SAMD12: variants seen among roughly 807,000 people sequenced by gnomAD.
SAMD12 encodes sterile alpha motif domain containing 12.
In SAMD12, 9 loss-of-function variants were observed where a neutral mutation model predicts 15.0. The observed-to-expected ratio is 0.60, with a 90% CI of 0.36 to 1.05. SAMD12 has a LOEUF of 1.05. Ranked by LOEUF, SAMD12 falls within the 50% of genes least tolerant of loss-of-function variation. The pLI, the probability that SAMD12 is intolerant of heterozygous loss-of-function variation, is 0.01. For synonymous variants in SAMD12, 86 were observed against 90.1 expected (o/e 0.96, Z 0.25); for missense variants, 230 against 234.2 (o/e 0.98, Z 0.12).
At chr8:118,315,090 T>G (rs1815825501) in intron 4 of SAMD12, among the ~76,000 whole-genome samples, 1 of 152,240 alleles carries the variant, frequency 6.6e-6, no homozygotes, top group Non-Finnish European at 1.5e-5. Context: ...TTGGAAAGAT[T>G]CTTTTCCTCT....
intron 4 of SAMD12, among the ~76,000 whole-genome samples, chr8:118,308,714 CTTTT>C (rs33966721): frequency 1.3e-5 from 2 of 149,608 alleles, no homozygotes; most frequent in East Asian, 3.9e-4. Flanking sequence ...GTACACATGA[CTTTT>C]TTTTTTTACT....
At chr8:118,417,600 A>G (rs1297147727) in intron 3 of SAMD12, among the ~76,000 whole-genome samples, 1 of 152,254 alleles carries the variant, frequency 6.6e-6, no homozygotes, top group African/African-American at 2.4e-5. Context: ...GCTAATCAGT[A>G]AATAATTAAA....
At chr8:118,387,017 G>T (rs1234064273) in intron 3 of SAMD12, among the ~76,000 whole-genome samples, 1 of 152,156 alleles carries the variant, frequency 6.6e-6, no homozygotes, top group East Asian at 1.9e-4. Flanking sequence ...TTGTGCACTG[G>T]GTTAGCTCCA....
intron 1 of SAMD12, among the ~76,000 whole-genome samples, chr8:118,603,614 G>A (rs1338594647): frequency 1.3e-5 from 2 of 152,126 alleles, no homozygotes; most frequent in Non-Finnish European, 2.9e-5. Context: ...CTTTTCTCAG[G>A]AGGATGTACT....
At chr8:118,142,072 C>T in the SAMD12 span, among the ~76,000 whole-genome samples, 1 of 152,174 alleles carries the variant, frequency 6.6e-6, no homozygotes, top group African/African-American at 2.4e-5. Flanking sequence ...ATTCTCACTA[C>T]ATAGCTGGAG....
At chr8:118,240,842 T>G (rs1279844434) in intron 4 of SAMD12, among the ~76,000 whole-genome samples, 1 of 152,156 alleles carries the variant, frequency 6.6e-6, no homozygotes, top group Non-Finnish European at 1.5e-5. Flanking sequence ...CAAGCCAAGA[T>G]TAAAGAGTCA....
intron 3 of SAMD12, among the ~76,000 whole-genome samples, chr8:118,387,585 T>C (rs765638723): frequency 2.0e-5 from 3 of 152,188 alleles, no homozygotes; most frequent in Non-Finnish European, 4.4e-5. Flanking sequence ...AAGGTACTAT[T>C]ATTATCTATT....
chr8:118,326,783 G>A (rs1816585617), intron 4 of SAMD12, among the ~76,000 whole-genome samples: 1 of 152,132 alleles, frequency 6.6e-6, no homozygotes, highest in Non-Finnish European at 1.5e-5. Flanking sequence ...AAGGCAGCAA[G>A]GTGCTTCATC....
chr8:118,319,994 T>C (rs4496996), intron 4 of SAMD12, among the ~76,000 whole-genome samples: 74,314 of 151,908 alleles, frequency 0.49, 20,629 homozygotes, highest in African/African-American at 0.77. Context: ...CCAAGGAGAA[T>C]ACTGGATCAT....
the SAMD12 span, among the ~76,000 whole-genome samples, chr8:118,155,801 A>G: frequency 2.5e-4 from 38 of 152,330 alleles, no homozygotes; most frequent in African/African-American, 7.7e-4. Flanking sequence ...ATGTGTCCAA[A>G]TTAGCAGTAT....
At chr8:118,166,385 A>G in the SAMD12 span, among the ~76,000 whole-genome samples, 4 of 152,100 alleles carry the variant, frequency 2.6e-5, no homozygotes, top group African/African-American at 9.7e-5. Context: ...GTTATCTCAA[A>G]CCCCAGATCT....
intron 4 of SAMD12, among the ~76,000 whole-genome samples, chr8:118,334,393 T>A (rs1258340374): frequency 1.3e-5 from 2 of 152,200 alleles, no homozygotes; most frequent in Non-Finnish European, 2.9e-5. Context: ...GCTCATTTTA[T>A]AGTGAAGAGA....
intron 2 of SAMD12, among the ~76,000 whole-genome samples, chr8:118,496,705 A>G (rs762212389): frequency 8.5e-5 from 13 of 152,136 alleles, no homozygotes; most frequent in Non-Finnish European, 1.8e-4. Context: ...TGCAACAAAA[A>G]CAAAAACAGA....
chr8:118,599,205 A>G (rs900705309), intron 1 of SAMD12, among the ~76,000 whole-genome samples: 2 of 152,168 alleles, frequency 1.3e-5, no homozygotes, highest in Non-Finnish European at 2.9e-5. Flanking sequence ...GTAGTCTGGC[A>G]TGGTGTGCAC....
chr8:118,578,738 C>T (rs764027107), intron 2 of SAMD12, among the ~76,000 whole-genome samples: 3 of 152,280 alleles, frequency 2.0e-5, no homozygotes, highest in Non-Finnish European at 2.9e-5. Context: ...CCCCCAGCAG[C>T]CACTGTTGTT....
At chr8:118,541,703 TA>T (rs924432591) in intron 2 of SAMD12, among the ~76,000 whole-genome samples, 2 of 152,260 alleles carry the variant, frequency 1.3e-5, no homozygotes, top group African/African-American at 4.8e-5. Context: ...TTTCAAATAT[TA>T]AAAAAATTTT....
intron 4 of SAMD12, among the ~76,000 whole-genome samples, chr8:118,317,894 G>C (rs1815999917): frequency 6.6e-6 from 1 of 152,126 alleles, no homozygotes; most frequent in Non-Finnish European, 1.5e-5. Context: ...CAAATGACAT[G>C]AACAGACGCT....
At chr8:118,205,356 T>A (rs986097419) in intron 4 of SAMD12, among the ~76,000 whole-genome samples, 9 of 152,252 alleles carry the variant, frequency 5.9e-5, no homozygotes, top group Non-Finnish European at 8.8e-5. Context: ...ACAATGACCA[T>A]AAGAGTTAGC....
At chr8:118,606,849 A>C (rs1326364497) in intron 1 of SAMD12, among the ~76,000 whole-genome samples, 2 of 152,186 alleles carry the variant, frequency 1.3e-5, no homozygotes, top group African/African-American at 4.8e-5. Context: ...AAAATTGTGA[A>C]GTTGACCAAG....
Sources: gnomAD v4.1 joint callset for allele counts (sites outside exome capture counted in the v4.1 genomes callset) on GRCh38, gnomAD v4.1.1 for gene constraint, MANE v1.5 for transcripts, NCBI Gene and HGNC (gene_info 2026-07-23, HGNC 2026-07-21) for gene names.